The following EXOC4 variants were observed in gnomAD, a reference collection of about 807,000 sequenced individuals.
EXOC4 encodes the protein SEC8-like 1.
A neutral mutation model predicts 107.2 loss-of-function variants in EXOC4; 71 were observed. The observed-to-expected ratio is 0.66, with a 90% CI of 0.55 to 0.81. The LOEUF is 0.81. Ranked by LOEUF, EXOC4 falls within the 30% of genes least tolerant of loss-of-function variation. The pLI, the probability that EXOC4 is intolerant of heterozygous loss-of-function variation, is 0.00. For missense variants in EXOC4, 1,108 were observed against 1,189.6 expected, an observed-to-expected ratio of 0.93 and a Z score of 1.01; for synonymous variants, 456 against 441.2, an observed-to-expected ratio of 1.03 and a Z score of -0.42.
intron 17 of EXOC4, among the ~76,000 whole-genome samples, chr7:134,009,091 A>G (rs1287916495): frequency 6.6e-6 from 1 of 152,208 alleles, no homozygotes; most frequent in African/African-American, 2.4e-5. Context: ...ATGATAGATG[A>G]TAAATATGTT....
intron 14 of EXOC4, among the ~76,000 whole-genome samples, chr7:133,971,379 G>T (rs1468146894): frequency 5.8e-5 from 8 of 137,466 alleles, no homozygotes; most frequent in African/African-American, 8.0e-5. Context: ...GAGAGAGAGA[G>T]AGAGAGAGAG....
intron 9 of EXOC4, among the ~76,000 whole-genome samples, chr7:133,598,308 T>C (rs1801729246): frequency 6.6e-6 from 1 of 152,224 alleles, no homozygotes; most frequent in South Asian, 2.1e-4. Flanking sequence ...AGTGAACAGA[T>C]GATCAATTAC....
At chr7:133,531,580 C>T (rs1299606726) in intron 9 of EXOC4, among the ~76,000 whole-genome samples, 3 of 151,878 alleles carry the variant, frequency 2.0e-5, no homozygotes, top group East Asian at 1.9e-4. Flanking sequence ...GAGACCCAGG[C>T]GAGACTTGCA....
intron 9 of EXOC4, among the ~76,000 whole-genome samples, chr7:133,492,047 T>G (rs1474866999): frequency 1.3e-5 from 2 of 152,214 alleles, no homozygotes; most frequent in Non-Finnish European, 2.9e-5. Context: ...GTTTTTGTCC[T>G]GCGGGTGATA....
At chr7:133,700,926 A>T (rs565360523) in intron 10 of EXOC4, among the ~76,000 whole-genome samples, 12 of 152,222 alleles carry the variant, frequency 7.9e-5, no homozygotes, top group Non-Finnish European at 1.5e-4. Context: ...GCTTAGAATG[A>T]GCTCAGGAGT....
At chr7:133,401,587 A>G (rs193099890) in intron 7 of EXOC4, among the ~76,000 whole-genome samples, 1 of 151,782 alleles carries the variant, frequency 6.6e-6, no homozygotes, top group Admixed American at 6.6e-5. Context: ...GCTTGAACAC[A>G]GGAGGTTAAG....
chr7:133,378,235 G>C lies in EXOC4; in HGVS notation c.1182+3233G>C, dbSNP rs1041427199. Among the ~76,000 whole-genome samples the C allele has an allele frequency of 2.5e-4, 38 of 151,604 alleles. 1 individual carries two copies. Among genetic ancestry groups the C allele is most frequent in the Non-Finnish European group, 3.5e-4 (24 of 67,910 alleles). On this transcript the variant is annotated intron_variant, in intron 7 of 17. Transcript: ENST00000253861. The stretch of plus-strand genomic sequence containing the variant: ...CTGAGGCAGAGAATTGCTTGAACTG[G>C]GGAGGTGGAGGTTGTAGTGAGCTGC...
intron 7 of EXOC4, among the ~76,000 whole-genome samples, chr7:133,430,631 A>C (rs749904768): frequency 1.3e-5 from 2 of 152,214 alleles, no homozygotes; most frequent in African/African-American, 4.8e-5. Context: ...TATACCTAGG[A>C]ATGGAATTGT....
intron 10 of EXOC4, among the ~76,000 whole-genome samples, chr7:133,707,369 T>C (rs62471412): frequency 0.99 from 149,633 of 151,816 alleles, 73,793 homozygotes; most frequent in Middle Eastern, 1. Flanking sequence ...GGTGACAGAG[T>C]GAGGCTTTTT....
chr7:134,079,072 A>G, the EXOC4 span, among the ~76,000 whole-genome samples: 1 of 152,216 alleles, frequency 6.6e-6, no homozygotes, highest in Admixed American at 6.5e-5. Flanking sequence ...AAACATCAGT[A>G]GCCTTCTGCC....
chr7:133,959,598 A>G (rs1171469670), intron 14 of EXOC4, among the ~76,000 whole-genome samples: 1 of 152,050 alleles, frequency 6.6e-6, no homozygotes, highest in Non-Finnish European at 1.5e-5. Flanking sequence ...GGAATTCTCA[A>G]AATGAAAGGA....
intron 10 of EXOC4, among the ~76,000 whole-genome samples, chr7:133,691,193 A>G (rs571683785): frequency 3.9e-5 from 6 of 152,326 alleles, no homozygotes; most frequent in South Asian, 2.1e-4. Flanking sequence ...ACTTAATGAT[A>G]TATGAGAAAT....
chr7:133,349,688 A>G (rs747857326), intron 5 of EXOC4, among the ~76,000 whole-genome samples: 3 of 152,188 alleles, frequency 2.0e-5, no homozygotes, highest in African/African-American at 4.8e-5. Flanking sequence ...TGTATACTCA[A>G]TTAGAATTGC....
chr7:133,586,715 A>G (rs767238073), intron 9 of EXOC4, among the ~76,000 whole-genome samples: 7 of 152,188 alleles, frequency 4.6e-5, no homozygotes, highest in Admixed American at 1.3e-4. Context: ...AAATTGGGAA[A>G]CACATGACAT....
the EXOC4 span, among the ~76,000 whole-genome samples, chr7:134,099,522 CTTTTTTTTTTTTTTT>C: frequency 1.9e-3 from 197 of 103,940 alleles, no homozygotes; most frequent in African/African-American, 6.5e-3. Flanking sequence ...CATCACACTT[CTTTTTTTTTTTTTTT>C]TTTTTTTTTT....
intron 17 of EXOC4, chr7:134,010,129 C>G (rs1280974683): frequency 1.3e-5 from 2 of 152,146 alleles, no homozygotes; most frequent in African/African-American, 2.4e-5. Flanking sequence ...TCTTCTGATT[C>G]TGCTTTAGAA....
At chr7:133,371,676 C>G (rs1236119137) in intron 6 of EXOC4, among the ~76,000 whole-genome samples, 1 of 152,106 alleles carries the variant, frequency 6.6e-6, no homozygotes, top group Non-Finnish European at 1.5e-5. Flanking sequence ...GGTTGTTGCG[C>G]ATAACACTGC....
intron 17 of EXOC4, chr7:134,010,136 A>G (rs955792907): frequency 1.3e-5 from 2 of 152,190 alleles, no homozygotes; most frequent in African/African-American, 4.8e-5. Flanking sequence ...ATTCTGCTTT[A>G]GAAGACATCT....
At chr7:134,016,754 C>G (rs891557814) in intron 17 of EXOC4, among the ~76,000 whole-genome samples, 11 of 152,204 alleles carry the variant, frequency 7.2e-5, no homozygotes, top group South Asian at 2.1e-4. Flanking sequence ...TCCTACAAAC[C>G]TGTTGCACCG....
Sources: gnomAD v4.1 joint callset for allele counts (sites outside exome capture counted in the v4.1 genomes callset) on GRCh38, gnomAD v4.1.1 for gene constraint, MANE v1.5 for transcripts, NCBI Gene and HGNC (gene_info 2026-07-23, HGNC 2026-07-21) for gene names.